MYO1B: variants seen among roughly 807,000 people sequenced by gnomAD.
MYO1B encodes myosin IB, also known as unconventional myosin-Ib.
MYO1B carries 72 observed loss-of-function variants against 159.7 expected under a neutral mutation model. That is an observed-to-expected ratio of 0.45 (90% CI 0.37 to 0.55). MYO1B has a LOEUF of 0.55. Ranked by LOEUF, MYO1B falls within the 20% of genes least tolerant of loss-of-function variation. MYO1B has a pLI of 0.00. For synonymous variants in MYO1B, 468 were observed against 473.8 expected (o/e 0.99, Z 0.16); for missense variants, 1,062 against 1,364.8 (o/e 0.78, Z 3.50).
chr2:191,292,648 G>C (rs1020372414), intron 2 of MYO1B, among the ~76,000 whole-genome samples: 2 of 151,302 alleles, frequency 1.3e-5, no homozygotes, highest in African/African-American at 4.9e-5. Context: ...GTATAATGAG[G>C]CATGTTCGAC....
At chr2:191,375,958 C>CAA (rs56036551) in intron 13 of MYO1B, among the ~76,000 whole-genome samples, 2,149 of 106,304 alleles carry the variant, frequency 0.02, 57 homozygotes, top group African/African-American at 0.066. Context: ...GACTCCGTAT[C>CAA]AAAAAAAAAA....
chr2:191,300,638 C>CTTTTTTT (rs1559151212), intron 3 of MYO1B, among the ~76,000 whole-genome samples: 2 of 3,238 alleles, frequency 6.2e-4, no homozygotes, highest in South Asian at 0.019. Context: ...CTGTGCGCAG[C>CTTTTTTT]CTTTTTTTTT....
chr2:191,314,198 A>G (rs1690204067), intron 3 of MYO1B, among the ~76,000 whole-genome samples: 1 of 152,180 alleles, frequency 6.6e-6, no homozygotes, highest in African/African-American at 2.4e-5. Context: ...GTTTAATTTT[A>G]TTTGAATGCA....
rs1318794778 is a variant in MYO1B at position 191,396,608 on chromosome 2, G to A, written c.2295+111G>A. ...GAGGGGCTCCTCTGTCTCCTGCCTC[G>A]CCTGTAAACAGTCAGATGGAAAGAA... is the stretch of plus-strand genomic sequence containing the variant. On this transcript the variant is annotated intron_variant, in intron 21 of 30. Transcript: ENST00000392318. 4.8e-5 allele frequency: 48 copies of A among 1,005,448 alleles called. No individual in the cohort carries two copies. In the East Asian group the frequency reaches 7.8e-4, roughly 16 times the overall value. 62.3% of individuals were successfully genotyped at this position (1,005,448 alleles called of 1,614,324 possible). A position where few individuals can be genotyped will look rare whatever the true frequency, so the allele number is the denominator to read the frequency against.
At chr2:191,408,546 G>A (rs1225407781) in intron 25 of MYO1B, among the ~76,000 whole-genome samples, 1 of 152,134 alleles carries the variant, frequency 6.6e-6, no homozygotes, top group East Asian at 1.9e-4. Context: ...AGTGGGGAGA[G>A]GGGTGACAGG....
intron 4 of MYO1B, among the ~76,000 whole-genome samples, chr2:191,331,629 T>C (rs1691482698): frequency 6.6e-6 from 1 of 152,150 alleles, no homozygotes; most frequent in South Asian, 2.1e-4. Flanking sequence ...AGAAAAAAAA[T>C]TATTGAATAC....
intron 2 of MYO1B, among the ~76,000 whole-genome samples, chr2:191,287,256 G>A (rs768467389): frequency 1.8e-4 from 27 of 152,068 alleles, no homozygotes; most frequent in Non-Finnish European, 2.6e-4. Context: ...GGCCAGGCGC[G>A]GTGGCTCACG....
intron 11 of MYO1B, 40 bp from the exon 12 acceptor site, chr2:191,369,502 A>G: frequency 3.6e-6 from 5 of 1,383,294 alleles, no homozygotes; most frequent in Non-Finnish European, 5.1e-6. Context: ...AGCATTGTGG[A>G]ATTGTGGGTG....
At chr2:191,364,064 A>T in intron 10 of MYO1B, 94 bp from the exon 11 acceptor site, 1 of 1,251,208 alleles carries the variant, frequency 8.0e-7, no homozygotes, top group South Asian at 1.2e-5. Context: ...GATCTGTTTG[A>T]TTATGATTTA....
intron 1 of MYO1B, among the ~76,000 whole-genome samples, chr2:191,261,176 C>T (rs1686787727): frequency 6.6e-6 from 1 of 152,164 alleles, no homozygotes; most frequent in Non-Finnish European, 1.5e-5. Context: ...TTCTCCAGAC[C>T]TGACTGTGTT....
Position 191,251,497 on chromosome 2 carries a change from T to C in MYO1B, c.-10+5871T>C, listed in dbSNP as rs188278701. ...TCTGAAAATGCAAGGGGCCTGTCTT[T>C]CCTTGATAGCTTAAGAGAGGCTTAA... On this transcript the variant is annotated intron_variant, in intron 1 of 30. Coordinates refer to ENST00000392318, the MANE Select transcript of MYO1B (RefSeq NM_001130158.3). Among the ~76,000 whole-genome samples the C allele has an allele frequency of 1.4e-4, 21 of 152,370 alleles. No individual in the cohort carries two copies. In the East Asian group the frequency reaches 3.9e-3, roughly 28 times the overall value.
intron 14 of MYO1B, among the ~76,000 whole-genome samples, chr2:191,382,081 A>G (rs1394717439): frequency 6.6e-6 from 1 of 152,158 alleles, no homozygotes; most frequent in African/African-American, 2.4e-5. Context: ...GAGTCTTTTC[A>G]TCATTAATTT....
chr2:191,362,204 G>A, intron 8 of MYO1B, 64 bp from the exon 9 acceptor site: 4 of 1,238,400 alleles, frequency 3.2e-6, no homozygotes, highest in Non-Finnish European at 4.7e-6. Context: ...ATATCAAAGG[G>A]AATGAGATAT....
chr2:191,394,611 G>A (rs1695953194), intron 20 of MYO1B, among the ~76,000 whole-genome samples: 1 of 152,170 alleles, frequency 6.6e-6, no homozygotes, highest in African/African-American at 2.4e-5. Context: ...TAAGTGCTAG[G>A]AAGGAAATAG....
At chr2:191,382,304 C>A (rs1005353078) in intron 14 of MYO1B, among the ~76,000 whole-genome samples, 1 of 151,916 alleles carries the variant, frequency 6.6e-6, no homozygotes, top group Non-Finnish European at 1.5e-5. Flanking sequence ...ACACTGAATT[C>A]TCTTTTATCT....
intron 15 of MYO1B, among the ~76,000 whole-genome samples, chr2:191,384,429 A>AT (rs1005554728): frequency 6.6e-6 from 1 of 152,018 alleles, no homozygotes; most frequent in African/African-American, 2.4e-5. Context: ...ATTAGCCAGT[A>AT]TTTTTTTTCC....
At chr2:191,361,613 C>A (rs1267324767) in intron 8 of MYO1B, among the ~76,000 whole-genome samples, 1 of 150,494 alleles carries the variant, frequency 6.6e-6, no homozygotes, top group Non-Finnish European at 1.5e-5. Flanking sequence ...TATACATATA[C>A]TACATATAGT....
chr2:191,285,435 C>T (rs987609199), intron 2 of MYO1B, among the ~76,000 whole-genome samples: 4 of 152,300 alleles, frequency 2.6e-5, no homozygotes, highest in African/African-American at 7.2e-5. Flanking sequence ...GACAAACTTG[C>T]GGCCACCGTC....
intron 4 of MYO1B, among the ~76,000 whole-genome samples, chr2:191,335,471 TAGAA>T (rs1691768880): frequency 6.6e-6 from 1 of 152,234 alleles, no homozygotes; most frequent in Non-Finnish European, 1.5e-5. Flanking sequence ...GAAGATAATA[TAGAA>T]ATTTCAGTAT....
Sources: gnomAD v4.1 joint callset for allele counts (sites outside exome capture counted in the v4.1 genomes callset) on GRCh38, gnomAD v4.1.1 for gene constraint, MANE v1.5 for transcripts, NCBI Gene and HGNC (gene_info 2026-07-23, HGNC 2026-07-21) for gene names.